The following PCDHA7 variants were observed in gnomAD, a reference collection of about 807,000 sequenced individuals.
PCDHA7 encodes the protein protocadherin alpha-7.
PCDHA7 carries 37 observed loss-of-function variants against 57.2 expected under a neutral mutation model. The observed-to-expected ratio is 0.65, with a 90% CI of 0.50 to 0.85. PCDHA7 has a LOEUF of 0.85. Among genes scored for constraint, PCDHA7 ranks in the 40% least tolerant of loss-of-function variants. The pLI, the probability that PCDHA7 is intolerant of heterozygous loss-of-function variation, is 0.00. For missense variants in PCDHA7, 1,188 were observed against 1,241.8 expected, an observed-to-expected ratio of 0.96 and a Z score of 0.65; for synonymous variants, 553 against 558.8, an observed-to-expected ratio of 0.99 and a Z score of 0.15.
chr5:140,962,619 T>C (rs1405135656), intron 1 of PCDHA7, among the ~76,000 whole-genome samples: 1 of 152,212 alleles, frequency 6.6e-6, no homozygotes, highest in East Asian at 1.9e-4. Context: ...GGAAGGGAGA[T>C]GTGAAAAAAT....
intron 1 of PCDHA7, chr5:140,884,399 T>C (rs1554181524): frequency 6.2e-6 from 10 of 1,613,990 alleles, no homozygotes; most frequent in African/African-American, 4.0e-5. Flanking sequence ...GTCCAGCCTG[T>C]TGGTGCTCAC....
At chr5:140,967,155 C>A (rs1554229255) in intron 1 of PCDHA7, 1 of 1,610,598 alleles carries the variant, frequency 6.2e-7, no homozygotes, top group Admixed American at 1.7e-5. Context: ...AACCCCGTGG[C>A]GGTGAGCGCC....
chr5:140,976,770 C>T (rs2096730456), intron 1 of PCDHA7, among the ~76,000 whole-genome samples: 1 of 152,162 alleles, frequency 6.6e-6, no homozygotes, highest in Non-Finnish European at 1.5e-5. Flanking sequence ...GCCTGCTAGA[C>T]TCTGACTATA....
At chr5:140,928,453 T>C in intron 1 of PCDHA7, 1 of 1,613,888 alleles carries the variant, frequency 6.2e-7, no homozygotes, top group Non-Finnish European at 8.5e-7. Context: ...GCTCAGGGGG[T>C]TTCATTTCCA....
At chr5:140,895,253 CT>C (rs1411327383) in intron 1 of PCDHA7, among the ~76,000 whole-genome samples, 2 of 151,968 alleles carry the variant, frequency 1.3e-5, no homozygotes, top group Non-Finnish European at 2.9e-5. Context: ...TCAAAGCTTT[CT>C]TTTTTTTCTT....
chr5:140,991,317 T>C (rs2097444971), intron 3 of PCDHA7, among the ~76,000 whole-genome samples: 1 of 152,208 alleles, frequency 6.6e-6, no homozygotes, highest in Admixed American at 6.5e-5. Flanking sequence ...TCCCGCATGA[T>C]ACATGAAGGG....
intron 1 of PCDHA7, chr5:140,850,650 A>C (rs2150492229): frequency 6.3e-7 from 1 of 1,598,426 alleles, no homozygotes; most frequent in East Asian, 2.2e-5. Flanking sequence ...GCTGCTGTAC[A>C]CTGTGCTGCG....
intron 1 of PCDHA7, chr5:140,928,899 T>C (rs2085633672): frequency 2.5e-6 from 4 of 1,614,088 alleles, no homozygotes; most frequent in South Asian, 1.1e-5. Flanking sequence ...ACTTTGAAGA[T>C]GTCTGGGAAC....
rs183311315 is a variant in PCDHA7, at chr5:140,913,513, T to C, written c.2356-65436T>C. ...AGTCTGTTTAAAACTTTGTCAATTTTATTTATCTTTTCAAAAGATTGACTT... is the reference window on the plus strand; with the variant it reads ...AGTCTGTTTAAAACTTTGTCAATTTCATTTATCTTTTCAAAAGATTGACTT... On this transcript the variant is annotated intron_variant, in intron 1 of 3. Coordinates refer to ENST00000525929, the MANE Select transcript of PCDHA7 (RefSeq NM_018910.3). Among the ~76,000 whole-genome samples, 393 of 152,272 alleles carry C rather than the reference T, an allele frequency of 2.6e-3. 2 individuals are homozygous for C. The highest frequency in any genetic ancestry group is 9.2e-3 in the African/African-American group (382 of 41,572).
At chr5:140,949,634 G>A (rs1172841481) in intron 1 of PCDHA7, among the ~76,000 whole-genome samples, 3 of 151,562 alleles carry the variant, frequency 2.0e-5, no homozygotes, top group East Asian at 1.9e-4. Flanking sequence ...ATGGCATATT[G>A]CTTTTTGTTC....
chr5:140,957,333 A>T (rs2095351211), intron 1 of PCDHA7, among the ~76,000 whole-genome samples: 1 of 152,164 alleles, frequency 6.6e-6, no homozygotes, highest in African/African-American at 2.4e-5. Context: ...GTACAGTAAG[A>T]TATTTTGAGA....
At chr5:140,960,855 A>T (rs1363929142) in intron 1 of PCDHA7, among the ~76,000 whole-genome samples, 1 of 152,204 alleles carries the variant, frequency 6.6e-6, no homozygotes, top group Non-Finnish European at 1.5e-5. Context: ...GGCAACTATA[A>T]GCCAGAAATT....
At chr5:140,840,691 CG>C (rs1465189614) in intron 1 of PCDHA7, among the ~76,000 whole-genome samples, 3 of 151,924 alleles carry the variant, frequency 2.0e-5, no homozygotes, top group Admixed American at 6.6e-5. Context: ...GTAAATAAAA[CG>C]GTTCAGGCAA....
intron 1 of PCDHA7, chr5:140,929,425 A>G (rs2086148550): frequency 6.7e-7 from 1 of 1,496,844 alleles, no homozygotes. Context: ...CATTTCATCA[A>G]TTGAACTAAA....
chr5:140,998,565 A>G, intron 3 of PCDHA7, among the ~76,000 whole-genome samples: 1 of 113,790 alleles, frequency 8.8e-6, no homozygotes. Context: ...TTTATTGTAA[A>G]TAAGTTTTTT....
chr5:140,942,310 C>T (rs782391809), intron 1 of PCDHA7, among the ~76,000 whole-genome samples: 14 of 151,402 alleles, frequency 9.2e-5, no homozygotes, highest in East Asian at 1.9e-4. Flanking sequence ...CTTGGGAGGT[C>T]GAGGCACAAG....
chr5:141,011,247 G>A lies in PCDHA7; in HGVS notation c.*1310G>A, dbSNP rs1554263390. On this transcript the variant is annotated 3_prime_UTR_variant, in exon 4 of 4. Transcript: ENST00000525929. The stretch of plus-strand genomic sequence containing the variant: ...TCTACTAATTCTGTGACTTGTCTTG[G>A]TGTGCTAGCCTACACCTTCTCTTTG... The A allele has an allele frequency of 2.0e-5, 3 of 153,772 alleles. No individual in the cohort carries two copies. The highest frequency in any genetic ancestry group is 7.2e-5 in the African/African-American group (3 of 41,538). The allele number at this position is 153,772 out of a possible 1,614,324, so 9.5% of individuals were successfully genotyped here.
Position 140,850,277 on chromosome 5 carries a change from G to T in PCDHA7, c.2355+13539G>T, listed in dbSNP as rs1554144125. On this transcript the variant is annotated intron_variant, in intron 1 of 3. Coordinates refer to ENST00000525929, the MANE Select transcript of PCDHA7 (RefSeq NM_018910.3). ...GCGCCGGCGTAGTGGTGGGGAAGGT[G>T]CGCGCAGTGGACGCCGACTCGGGCT... is the stretch of plus-strand genomic sequence containing the variant. 2.5e-6 allele frequency: 4 copies of T among 1,595,522 alleles called. No homozygotes were observed. In the East Asian group the frequency reaches 8.9e-5, roughly 36 times the overall value.
chr5:140,948,496 A>C (rs1258443825), intron 1 of PCDHA7, among the ~76,000 whole-genome samples: 1 of 151,522 alleles, frequency 6.6e-6, no homozygotes, highest in African/African-American at 2.4e-5. Context: ...TCTTTCATAG[A>C]CTTTCTATTA....
Sources: gnomAD v4.1 joint callset for allele counts (sites outside exome capture counted in the v4.1 genomes callset) on GRCh38, gnomAD v4.1.1 for gene constraint, MANE v1.5 for transcripts, NCBI Gene and HGNC (gene_info 2026-07-23, HGNC 2026-07-21) for gene names.